The following ARMC3 variants were observed in gnomAD, a reference collection of about 807,000 sequenced individuals.
ARMC3 encodes the protein armadillo repeat-containing protein 3.
ARMC3 carries 74 observed loss-of-function variants against 90.3 expected under a neutral mutation model. That is an observed-to-expected ratio of 0.82 (90% CI 0.68 to 0.99). The LOEUF is 0.99. Among genes scored for constraint, ARMC3 ranks in the 50% least tolerant of loss-of-function variants. ARMC3 has a pLI of 0.00. For synonymous variants in ARMC3, 334 were observed against 361.8 expected, an observed-to-expected ratio of 0.92 and a Z score of 0.87; for missense variants, 958 against 1,042.8, an observed-to-expected ratio of 0.92 and a Z score of 1.12.
intron 7 of ARMC3, among the ~76,000 whole-genome samples, chr10:22,967,040 T>C (rs1055274353): frequency 1.3e-5 from 2 of 152,096 alleles, no homozygotes; most frequent in African/African-American, 4.8e-5. Context: ...TCATGTGATT[T>C]TGGAGGCTTG....
chr10:23,016,609 A>G (rs1215622514), intron 16 of ARMC3, among the ~76,000 whole-genome samples: 2 of 152,240 alleles, frequency 1.3e-5, no homozygotes, highest in African/African-American at 4.8e-5. Flanking sequence ...TTCCATATGC[A>G]TGAAATGAAA....
chr10:22,933,741 C>T (rs1024188065), intron 2 of ARMC3, among the ~76,000 whole-genome samples: 2 of 151,984 alleles, frequency 1.3e-5, no homozygotes, highest in South Asian at 2.1e-4. Flanking sequence ...AAAAATTAGC[C>T]GGGGGTGGTG....
At chr10:22,975,123 A>C (rs1424075920) in intron 8 of ARMC3, among the ~76,000 whole-genome samples, 3 of 152,212 alleles carry the variant, frequency 2.0e-5, no homozygotes, top group African/African-American at 7.2e-5. Flanking sequence ...TTTTCAGTTA[A>C]AATTTTTTTA....
At chr10:23,000,047 C>T (rs1316297850) in intron 11 of ARMC3, among the ~76,000 whole-genome samples, 1 of 152,114 alleles carries the variant, frequency 6.6e-6, no homozygotes, top group Non-Finnish European at 1.5e-5. Flanking sequence ...TCCTATTCCC[C>T]TTACTGGCTC....
At chr10:22,948,589 C>T (rs1011534103) in intron 3 of ARMC3, among the ~76,000 whole-genome samples, 7 of 151,528 alleles carry the variant, frequency 4.6e-5, no homozygotes, top group African/African-American at 9.7e-5. Flanking sequence ...AGAAAATAAA[C>T]GAGATATATG....
chr10:22,937,653 T>C (rs1454417730), intron 2 of ARMC3, among the ~76,000 whole-genome samples: 2 of 152,194 alleles, frequency 1.3e-5, no homozygotes, highest in African/African-American at 2.4e-5. Context: ...TGATTTCACA[T>C]AGAGAATGTA....
intron 4 of ARMC3, 77 bp from the exon 5 acceptor site, chr10:22,958,993 G>C: frequency 1.7e-6 from 2 of 1,200,858 alleles, no homozygotes; most frequent in Non-Finnish European, 2.5e-6. Context: ...AAAGTGCTGG[G>C]ATTACAGGCA....
intron 11 of ARMC3, 110 bp downstream of exon 11, chr10:22,998,507 A>C (rs1837121571): frequency 7.3e-7 from 1 of 1,364,104 alleles, no homozygotes; most frequent in African/African-American, 1.5e-5. Flanking sequence ...TAAGTCCTTC[A>C]AAACCGGTAA....
At chr10:22,942,509 A>G (rs1162325344) in intron 2 of ARMC3, among the ~76,000 whole-genome samples, 3 of 152,180 alleles carry the variant, frequency 2.0e-5, no homozygotes, top group Non-Finnish European at 4.4e-5. Context: ...CTCCAGCTAC[A>G]ATAACTATGA....
At chr10:22,969,727 A>G (rs1168908253) in intron 8 of ARMC3, among the ~76,000 whole-genome samples, 1 of 152,226 alleles carries the variant, frequency 6.6e-6, no homozygotes, top group African/African-American at 2.4e-5. Context: ...TTCTTAGCTA[A>G]GTGAGACCCG....
chr10:22,956,011 T>C lies in ARMC3; in HGVS notation c.292+79T>C, dbSNP rs558327962. The C allele has an allele frequency of 6.9e-6, 9 of 1,311,586 alleles. No individual in the cohort carries two copies. The East Asian group carries it at 2.0e-4, about 29-fold the overall frequency. 81.2% of individuals were successfully genotyped at this position (1,311,586 alleles called of 1,614,324 possible). ...TTCTTTTAAATTTAACATTAAGGAATTTGTTTCAATTTTATTTAAACTGAC... is the reference window on the plus strand; with the variant it reads ...TTCTTTTAAATTTAACATTAAGGAACTTGTTTCAATTTTATTTAAACTGAC... On this transcript the variant is annotated intron_variant, in intron 4 of 18. Coordinates refer to ENST00000298032, the MANE Select transcript of ARMC3 (RefSeq NM_173081.5).
Position 23,037,581 on chromosome 10 carries a change from A to C in ARMC3, c.*102A>C. ...TTTATCTCTTTAAATAAAAACTTTA[A>C]ATAAAAGTATTAGAAATGTTTTCTC... On this transcript the variant is annotated 3_prime_UTR_variant, in exon 19 of 19. Coordinates refer to ENST00000298032, the MANE Select transcript of ARMC3 (RefSeq NM_173081.5). The C allele has an allele frequency of 1.9e-6, 2 of 1,041,658 alleles. No individual in the cohort carries two copies. Among genetic ancestry groups the C allele is most frequent in the Non-Finnish European group, 2.6e-6 (2 of 761,052 alleles). 64.5% of individuals were successfully genotyped at this position (1,041,658 alleles called of 1,614,324 possible).
intron 16 of ARMC3, among the ~76,000 whole-genome samples, chr10:23,019,894 G>A (rs1200158605): frequency 6.6e-6 from 1 of 152,166 alleles, no homozygotes; most frequent in African/African-American, 2.4e-5. Flanking sequence ...ATCATACAGT[G>A]TGTAACGTTT....
At chr10:22,957,094 G>T (rs1048722335) in intron 4 of ARMC3, among the ~76,000 whole-genome samples, 1 of 152,062 alleles carries the variant, frequency 6.6e-6, no homozygotes, top group East Asian at 1.9e-4. Context: ...CATGCCTATC[G>T]TGGTACATGG....
intron 2 of ARMC3, among the ~76,000 whole-genome samples, chr10:22,945,391 G>A (rs1834486789): frequency 6.6e-6 from 1 of 152,114 alleles, no homozygotes. Flanking sequence ...TTTTCTCCTT[G>A]ACCACAGAAA....
At chr10:22,947,602 G>A (rs1834584650) in intron 3 of ARMC3, among the ~76,000 whole-genome samples, 2 of 152,090 alleles carry the variant, frequency 1.3e-5, no homozygotes, top group South Asian at 2.1e-4. Flanking sequence ...ATAGGATCCT[G>A]GGACAGAAAG....
intron 16 of ARMC3, among the ~76,000 whole-genome samples, chr10:23,029,292 T>C (rs1838827511): frequency 6.6e-6 from 1 of 152,210 alleles, no homozygotes; most frequent in Non-Finnish European, 1.5e-5. Context: ...AATAGAAGGA[T>C]AAACTCATCA....
At chr10:22,955,544 G>C (rs1834897911) in intron 3 of ARMC3, among the ~76,000 whole-genome samples, 1 of 152,150 alleles carries the variant, frequency 6.6e-6, no homozygotes, top group African/African-American at 2.4e-5. Context: ...AATTAGATAG[G>C]GTGATTGCGG....
At chr10:23,013,518 TG>T (rs1838120383) in intron 16 of ARMC3, among the ~76,000 whole-genome samples, 1 of 152,232 alleles carries the variant, frequency 6.6e-6, no homozygotes, top group Non-Finnish European at 1.5e-5. Context: ...TTAAACATGA[TG>T]TTTTGATATC....
Sources: allele counts gnomAD v4.1 joint callset (sites outside exome capture counted in the v4.1 genomes callset), GRCh38; gene constraint gnomAD v4.1.1; transcripts MANE v1.5; gene names NCBI Gene and HGNC (gene_info 2026-07-23, HGNC 2026-07-21).